UBA6: variants seen among roughly 807,000 people sequenced by gnomAD.
UBA6 encodes the protein ubiquitin-like modifier-activating enzyme 6.
Under a neutral mutation model 148.3 loss-of-function variants are expected in UBA6, and 87 were observed. The observed-to-expected ratio is 0.59, with a 90% CI of 0.49 to 0.70. UBA6 has a LOEUF of 0.70. Ranked by LOEUF, UBA6 falls within the 30% of genes least tolerant of loss-of-function variation. The probability of loss-of-function intolerance (pLI) is 0.00; values close to 1 mark genes in which losing one functional copy is unlikely to be tolerated. For synonymous variants in UBA6, 376 were observed against 401.0 expected, an observed-to-expected ratio of 0.94 and a Z score of 0.75; for missense variants, 1,186 against 1,241.2, an observed-to-expected ratio of 0.96 and a Z score of 0.67.
chr4:67,662,837 A>G (rs891680428), intron 12 of UBA6: 2 of 228,566 alleles, frequency 8.8e-6, no homozygotes, highest in African/African-American at 4.6e-5. Context: ...TATAAAGTTA[A>G]AAAAAAAATT....
chr4:67,667,210 A>G (rs183255236), intron 9 of UBA6, among the ~76,000 whole-genome samples: 1,621 of 152,254 alleles, frequency 0.011, 29 homozygotes, highest in Non-Finnish European at 0.014. Context: ...AAAAACAGAT[A>G]TATTATTTAA....
chr4:67,633,922 A>G (rs1040102830), intron 22 of UBA6, among the ~76,000 whole-genome samples: 2 of 151,922 alleles, frequency 1.3e-5, no homozygotes, highest in African/African-American at 2.4e-5. Context: ...ACTTACCTCA[A>G]TTTTTTCTTT....
At chr4:67,690,198 C>T (rs539439170) in intron 2 of UBA6, among the ~76,000 whole-genome samples, 3 of 152,052 alleles carry the variant, frequency 2.0e-5, no homozygotes, top group East Asian at 3.9e-4. Flanking sequence ...CCAGTGTATT[C>T]AGAGGAAAAG....
At chr4:67,636,598 TG>T (rs2109907485) in intron 19 of UBA6, among the ~76,000 whole-genome samples, 1 of 152,338 alleles carries the variant, frequency 6.6e-6, no homozygotes, top group Admixed American at 6.5e-5. Context: ...TTTGCAGTGT[TG>T]GCCGGGCTGG....
At chr4:67,621,479 A>G (rs746485762) in intron 32 of UBA6, among the ~76,000 whole-genome samples, 23 of 152,222 alleles carry the variant, frequency 1.5e-4, no homozygotes, top group Non-Finnish European at 3.1e-4. Context: ...CTTGTGAAAT[A>G]TATGTTCTAG....
In UBA6 at chr4:67,623,039, GTAAA is replaced by G; in HGVS notation, c.2928+92_2928+95del. ...GACCAGTAAAAAAAGCAAATTCATG[GTAAA>G]TAATTATAACTTCCAATAAAATTAT... is the stretch of plus-strand genomic sequence containing the variant. On this transcript the variant is annotated intron_variant, in intron 31 of 32. Transcript: ENST00000322244. 5 of 1,339,120 alleles carry G rather than the reference GTAAA, an allele frequency of 3.7e-6. No homozygotes were observed. The South Asian group carries it at 6.7e-5, about 18-fold the overall frequency. The allele number at this position is 1,339,120 out of a possible 1,614,324, so 83.0% of individuals were successfully genotyped here. A position where few individuals can be genotyped will look rare whatever the true frequency, so the allele number is the denominator to read the frequency against.
chr4:67,631,126 T>C (rs1210047332), intron 25 of UBA6, among the ~76,000 whole-genome samples: 2 of 152,156 alleles, frequency 1.3e-5, no homozygotes, highest in African/African-American at 4.8e-5. Context: ...CTTGGGAAGC[T>C]GAGGTGCGAG....
In UBA6 at chr4:67,674,982, G is replaced by A. The variant is rs181368540; in HGVS notation, c.466-1205C>T. ...CCTCCCAGGTTCAAGCGATTCTCCT[G>A]CCTCAGCCTCCCCAGTAGCTGGGAT... On this transcript the variant is annotated intron_variant, in intron 6 of 32. Coordinates refer to ENST00000322244, the MANE Select transcript of UBA6 (RefSeq NM_018227.6). Among the ~76,000 whole-genome samples the A allele has an allele frequency of 1.6e-3, 242 of 152,210 alleles. 3 individuals carry two copies. The highest frequency in any genetic ancestry group is 5.7e-3 in the African/African-American group (237 of 41,530).
chr4:67,680,985 C>T (rs905448377), intron 4 of UBA6, among the ~76,000 whole-genome samples: 1 of 152,118 alleles, frequency 6.6e-6, no homozygotes, highest in South Asian at 2.1e-4. Flanking sequence ...CCCAGTCTAG[C>T]CTCAAGATGA....
At chr4:67,632,175 A>G (rs575707341) in intron 23 of UBA6, among the ~76,000 whole-genome samples, 90 of 152,302 alleles carry the variant, frequency 5.9e-4, no homozygotes, top group African/African-American at 2.0e-3. Flanking sequence ...TACAGCAAAC[A>G]AATGTAGATT....
Position 67,623,155 on chromosome 4 carries a change from C to T in UBA6, c.2908G>A (p.Asp970Asn), listed in dbSNP as rs1728788862. 3.7e-6 allele frequency: 6 copies of T among 1,612,422 alleles called. No individual in the cohort carries two copies. The South Asian group carries it at 6.6e-5, about 18-fold the overall frequency. Residue 970 changes from aspartate (D) to asparagine (N), a missense_variant, in exon 31 of 33, where the codon GAT (aspartate) becomes AAT (asparagine). Coordinates refer to ENST00000322244, the MANE Select transcript of UBA6 (RefSeq NM_018227.6). ...CTCACTTTGACTGCATTTATGAAATCCAAGAGGGTGAAATCTTCTTTTCCA... is the reference window on the plus strand; with the variant it reads ...CTCACTTTGACTGCATTTATGAAATTCAAGAGGGTGAAATCTTCTTTTCCA... Reference protein sequence around the residue: ...VHGKEDFTLLDFINAVKEKYG... With the variant: ...VHGKEDFTLLNFINAVKEKYG...
Position 67,621,445 on chromosome 4 carries a change from CAAGATCAAATA to C in UBA6, c.3023+1375_3023+1385del, listed in dbSNP as rs551021829. Among the ~76,000 whole-genome samples the C allele has an allele frequency of 1.8e-4, 27 of 152,310 alleles. No homozygotes were observed. In the East Asian group the frequency reaches 5.0e-3, roughly 28 times the overall value. On this transcript the variant is annotated intron_variant, in intron 32 of 32. Transcript: ENST00000322244. ...CTAAGTGCTTGAGATACAACAGTGA[CAAGATCAAATA>C]AAGATTCCCACTCTTGTGAAATATA...
At chr4:67,634,352 C>T in intron 21 of UBA6, 30 bp from the exon 22 acceptor site, 2 of 1,556,456 alleles carry the variant, frequency 1.3e-6, no homozygotes, top group Non-Finnish European at 1.7e-6. Flanking sequence ...AAAAAAATTA[C>T]AAATAGAAGT....
At chr4:67,632,446 A>C (rs1340478627) in intron 23 of UBA6, among the ~76,000 whole-genome samples, 1 of 152,214 alleles carries the variant, frequency 6.6e-6, no homozygotes, top group Non-Finnish European at 1.5e-5. Flanking sequence ...GGTTCATTAT[A>C]CTATTTCCTC....
intron 28 of UBA6, among the ~76,000 whole-genome samples, 198 bp from the exon 29 acceptor site, chr4:67,625,385 T>A (rs1195345069): frequency 1.4e-5 from 2 of 147,250 alleles, no homozygotes; most frequent in Non-Finnish European, 3.0e-5. Context: ...AGAGAGCCAA[T>A]TTTTTTTAAT....
chr4:67,623,219 A>G lies in UBA6; in HGVS notation c.2844T>C (p.Asn948=), dbSNP rs1479077366. 5 of 1,608,606 alleles carry G rather than the reference A, an allele frequency of 3.1e-6. No homozygotes were observed. The highest frequency in any genetic ancestry group is 4.3e-6 in the Non-Finnish European group (5 of 1,175,964). Residue 948 remains asparagine (N), a synonymous_variant, in exon 31 of 33, where the codon AAT becomes AAC. Coordinates refer to ENST00000322244, the MANE Select transcript of UBA6 (RefSeq NM_018227.6). ...GATCCCAAATTGTAAATGATATTCCATTTCTGTTACAGAAAAATATTCAGA... is the reference window on the plus strand; with the variant it reads ...GATCCCAAATTGTAAATGATATTCCGTTTCTGTTACAGAAAAATATTCAGA... ...TTEVRKTKIR[N]GISFTIWDRW... is the part of the protein sequence containing the mutation.
chr4:67,614,176 C>T lies in UBA6; in HGVS notation c.*4821G>A, dbSNP rs910679189. On this transcript the variant is annotated 3_prime_UTR_variant, in exon 33 of 33. Transcript: ENST00000322244. ...ATCCCAGGTCTTCAGATAAACTCGACCAATTGTCAACCAGAAAATGTTTTA... is the reference window on the plus strand; with the variant it reads ...ATCCCAGGTCTTCAGATAAACTCGATCAATTGTCAACCAGAAAATGTTTTA... The T allele has an allele frequency of 6.6e-6, 1 of 152,206 alleles. No homozygotes were observed. Among genetic ancestry groups the T allele is most frequent in the Non-Finnish European group, 1.5e-5 (1 of 68,056 alleles). The allele number at this position is 152,206 out of a possible 1,614,324, so 9.4% of individuals were successfully genotyped here.
chr4:67,700,911 C>A lies in UBA6; in HGVS notation c.71+138G>T, dbSNP rs966770914. Reference sequence around the variant, plus strand: ...CGTCGCCACACCCACTCCGCGCGCGCCCCTCGCCTCCCAGGGCCGGCTCTG... The same window carrying A: ...CGTCGCCACACCCACTCCGCGCGCGACCCTCGCCTCCCAGGGCCGGCTCTG... On this transcript the variant is annotated intron_variant, in intron 1 of 32. Transcript: ENST00000322244. The A allele has an allele frequency of 2.1e-5, 21 of 1,008,468 alleles. No individual in the cohort carries two copies. In the Admixed American group the frequency reaches 2.9e-4, roughly 14 times the overall value. The allele number at this position is 1,008,468 out of a possible 1,614,324, so 62.5% of individuals were successfully genotyped here. A position where few individuals can be genotyped will look rare whatever the true frequency, so the allele number is the denominator to read the frequency against.
intron 1 of UBA6, among the ~76,000 whole-genome samples, chr4:67,700,039 G>A (rs2109965480): frequency 6.6e-6 from 1 of 152,302 alleles, no homozygotes; most frequent in African/African-American, 2.4e-5. Flanking sequence ...AGTCTAACTA[G>A]CTCTGCCACT....
Sources: allele counts gnomAD v4.1 joint callset (sites outside exome capture counted in the v4.1 genomes callset), GRCh38; gene constraint gnomAD v4.1.1; transcripts MANE v1.5; gene names NCBI Gene and HGNC (gene_info 2026-07-23, HGNC 2026-07-21).